SPATA16: variants seen among roughly 807,000 people sequenced by gnomAD.
SPATA16 encodes spermatogenesis-associated protein 16.
SPATA16 carries 36 observed loss-of-function variants against 63.3 expected under a neutral mutation model. The ratio of observed to expected loss-of-function variants is 0.57; its 90% CI spans 0.44 to 0.75. The LOEUF (loss-of-function observed/expected upper bound fraction) is 0.75, where lower values mean the gene tolerates loss of function less well. SPATA16 is among the 30% of genes least tolerant of loss of function. The probability of loss-of-function intolerance (pLI) is 0.00; values close to 1 mark genes in which losing one functional copy is unlikely to be tolerated. For missense variants in SPATA16, 646 were observed against 679.3 expected (o/e 0.95, Z 0.54); for synonymous variants, 203 against 216.7 (o/e 0.94, Z 0.56).
intron 3 of SPATA16, among the ~76,000 whole-genome samples, chr3:173,040,894 A>G (rs1735824525): frequency 6.6e-6 from 1 of 152,038 alleles, no homozygotes; most frequent in Non-Finnish European, 1.5e-5. Context: ...CTTGAGAACT[A>G]TTTCTTAATG....
rs960170987 is a variant in SPATA16 at position 172,924,715 on chromosome 3, G to A, written c.1229-398C>T. ...CCATTGACTTTGAATGTAGCTCAAA[G>A]TTCAGATAAGCCTCAGAGGATACAG... On this transcript the variant is annotated intron_variant, in intron 7 of 10. Coordinates refer to ENST00000351008, the MANE Select transcript of SPATA16 (RefSeq NM_031955.6). 5.9e-5 allele frequency among the ~76,000 whole-genome samples: 9 copies of A among 152,196 alleles called. No homozygotes were observed. The East Asian group carries it at 1.5e-3, about 26-fold the overall frequency.
intron 4 of SPATA16, among the ~76,000 whole-genome samples, chr3:172,991,929 T>C (rs1311368654): frequency 1.3e-5 from 2 of 152,188 alleles, no homozygotes; most frequent in African/African-American, 4.8e-5. Context: ...GTTTATAGTA[T>C]TTATATTACT....
At chr3:173,121,225 A>G (rs1371759416) in intron 1 of SPATA16, among the ~76,000 whole-genome samples, 1 of 151,764 alleles carries the variant, frequency 6.6e-6, no homozygotes, top group Non-Finnish European at 1.5e-5. Flanking sequence ...TTTAATAAAA[A>G]TTGTCACACA....
intron 4 of SPATA16, among the ~76,000 whole-genome samples, chr3:173,005,327 GAAAAAAAAAAAA>G (rs531594936): frequency 1.3e-5 from 1 of 78,814 alleles, no homozygotes; most frequent in African/African-American, 4.5e-5. Flanking sequence ...TGTCTCAAAA[GAAAAAAAAAAAA>G]AAAAAAAAGA....
chr3:173,078,124 T>C (rs1736847516), intron 2 of SPATA16, among the ~76,000 whole-genome samples: 1 of 152,196 alleles, frequency 6.6e-6, no homozygotes. Context: ...TTACTTATAT[T>C]ATTTTCATTT....
intron 6 of SPATA16, among the ~76,000 whole-genome samples, chr3:172,952,709 A>G (rs1733468077): frequency 6.6e-6 from 1 of 152,146 alleles, no homozygotes; most frequent in African/African-American, 2.4e-5. Flanking sequence ...TGGGAGGCCA[A>G]GGTGGGTGGA....
At chr3:173,048,826 A>C in intron 3 of SPATA16, 123 bp downstream of exon 3, 1 of 1,260,212 alleles carries the variant, frequency 7.9e-7, no homozygotes, top group Non-Finnish European at 1.1e-6. Flanking sequence ...TAAAACAAGC[A>C]GTAAATAAAT....
At chr3:173,083,868 T>C (rs563256357) in intron 2 of SPATA16, among the ~76,000 whole-genome samples, 36 of 152,336 alleles carry the variant, frequency 2.4e-4, no homozygotes, top group African/African-American at 7.9e-4. Context: ...ATGTACCACA[T>C]TTTCTTTATC....
chr3:172,943,869 A>G (rs1180159262), intron 6 of SPATA16, among the ~76,000 whole-genome samples: 1 of 152,210 alleles, frequency 6.6e-6, no homozygotes, highest in African/African-American at 2.4e-5. Context: ...TCAATAATAA[A>G]ACTATTCAAA....
rs566747383 is a variant in SPATA16 at position 172,890,748 on chromosome 3, GT to G, written c.1588-1057del. On this transcript the variant is annotated intron_variant, in intron 10 of 10. Transcript: ENST00000351008. ...ATACCAGTGACATAAATGGTCCACT[GT>G]TTTTTTTTTTTTAAGAAAACAAGAT... 6.3e-3 allele frequency among the ~76,000 whole-genome samples: 883 copies of G among 140,444 alleles called. 6 individuals carry two copies. The highest frequency in any genetic ancestry group is 0.017 in the African/African-American group (677 of 38,986). The allele number at this position is 140,444 out of a possible 152,430, so 92.1% of individuals were successfully genotyped here.
chr3:173,097,508 T>C (rs1226440363), intron 2 of SPATA16, among the ~76,000 whole-genome samples: 1 of 152,180 alleles, frequency 6.6e-6, no homozygotes, highest in African/African-American at 2.4e-5. Flanking sequence ...GCAAAAGTTA[T>C]GGCCATAGTT....
chr3:173,099,913 T>C (rs979498649), intron 2 of SPATA16, among the ~76,000 whole-genome samples: 12 of 152,186 alleles, frequency 7.9e-5, no homozygotes, highest in African/African-American at 2.9e-4. Context: ...ATATTTCTCC[T>C]TCACAGCCTA....
intron 6 of SPATA16, among the ~76,000 whole-genome samples, chr3:172,935,649 T>C (rs1732972175): frequency 6.6e-6 from 1 of 152,254 alleles, no homozygotes; most frequent in Non-Finnish European, 1.5e-5. Flanking sequence ...CAGTCAATTA[T>C]AATACAGCAT....
chr3:173,053,914 T>A (rs552952693), intron 2 of SPATA16, among the ~76,000 whole-genome samples: 3 of 152,250 alleles, frequency 2.0e-5, no homozygotes, highest in African/African-American at 7.2e-5. Context: ...TATCACCATA[T>A]ATATAATTGC....
intron 6 of SPATA16, among the ~76,000 whole-genome samples, chr3:172,953,942 AATAG>A (rs965465487): frequency 1.3e-5 from 2 of 152,216 alleles, no homozygotes; most frequent in African/African-American, 4.8e-5. Context: ...CAAAGAAGAA[AATAG>A]ATAGGTAAAA....
At chr3:173,006,603 TGA>T (rs1734951310) in intron 4 of SPATA16, among the ~76,000 whole-genome samples, 1 of 152,224 alleles carries the variant, frequency 6.6e-6, no homozygotes, top group African/African-American at 2.4e-5. Flanking sequence ...TCCTCCCTTG[TGA>T]GATACATAAT....
At chr3:173,137,023 A>C (rs1738564308) in intron 1 of SPATA16, among the ~76,000 whole-genome samples, 1 of 152,248 alleles carries the variant, frequency 6.6e-6, no homozygotes, top group Admixed American at 6.5e-5. Context: ...AGAAAGTTTA[A>C]ATAATCCCTC....
chr3:173,044,290 G>C (rs972435596), intron 3 of SPATA16, among the ~76,000 whole-genome samples: 1 of 151,984 alleles, frequency 6.6e-6, no homozygotes, highest in Admixed American at 6.6e-5. Flanking sequence ...ATCTTTTATT[G>C]TCTATCTCTT....
chr3:173,133,341 C>T lies in SPATA16; in HGVS notation c.-19+7762G>A, dbSNP rs1738435448. 6.6e-5 allele frequency among the ~76,000 whole-genome samples: 10 copies of T among 152,318 alleles called. No individual in the cohort carries two copies. The South Asian group carries it at 1.9e-3, about 28-fold the overall frequency. On this transcript the variant is annotated intron_variant, in intron 1 of 10. Transcript: ENST00000351008. ...TCTTGGAATTTTCTGTTTCTGCCAG[C>T]AGCAAATGTTTCTGTTTGTAGGGGT...
Sources: allele counts gnomAD v4.1 joint callset (sites outside exome capture counted in the v4.1 genomes callset), GRCh38; gene constraint gnomAD v4.1.1; transcripts MANE v1.5; gene names NCBI Gene and HGNC (gene_info 2026-07-23, HGNC 2026-07-21).